Variants in PRRC2C observed in about 807,000 individuals in gnomAD.
The protein encoded by PRRC2C is proline rich coiled-coil 2C, also known as protein PRRC2C.
A neutral mutation model predicts 317.2 loss-of-function variants in PRRC2C; 72 were observed. The observed-to-expected ratio is 0.23, with a 90% CI of 0.19 to 0.28. PRRC2C has a LOEUF of 0.28. Among genes scored for constraint, PRRC2C ranks in the 10% least tolerant of loss-of-function variants. The pLI is 1.00. For synonymous variants in PRRC2C, 1,296 were observed against 1,205.9 expected (o/e 1.07, Z -1.55); for missense variants, 3,074 against 3,459.7 (o/e 0.89, Z 2.80).
chr1:171,548,328 T>C (rs997405466), intron 17 of PRRC2C, among the ~76,000 whole-genome samples: 38 of 152,318 alleles, frequency 2.5e-4, no homozygotes, highest in African/African-American at 9.1e-4. Flanking sequence ...AGTATGTTAA[T>C]GCTAAGTTTT....
chr1:171,519,907 T>G (rs957162040), intron 6 of PRRC2C, among the ~76,000 whole-genome samples: 2 of 152,220 alleles, frequency 1.3e-5, no homozygotes, highest in African/African-American at 4.8e-5. Context: ...GCTGCCAAAG[T>G]GAGCATATAC....
Position 171,513,058 on chromosome 1 carries a change from C to T in PRRC2C, c.176C>T (p.Pro59Leu). ...GGTATTTCACGGCGTATGCCTCCAC[C>T]TGCTAACCTCCCAAGTCTTAAAGCA... ...KVGISRRMPPPANLPSLKAEN... is the reference protein window; with the variant it reads ...KVGISRRMPPLANLPSLKAEN... Residue 59 changes from proline (P) to leucine (L), a missense_variant, in exon 3 of 35, where the codon CCT (proline) becomes CTT (leucine). This residue lies in a region of PRRC2C where 71 missense variants were observed against 118.9 expected (regional missense o/e 0.60). Coordinates refer to ENST00000647382, the MANE Select transcript of PRRC2C (RefSeq NM_001387844.1). The T allele has an allele frequency of 6.2e-7, 1 of 1,613,820 alleles. No homozygotes were observed. Among genetic ancestry groups the T allele is most frequent in the Non-Finnish European group, 8.5e-7 (1 of 1,179,796 alleles).
intron 13 of PRRC2C, 143 bp downstream of exon 13, chr1:171,535,740 C>T (rs368147379): frequency 1.9e-5 from 21 of 1,109,810 alleles, no homozygotes; most frequent in African/African-American, 1.7e-4. Context: ...TAAAAGTTAA[C>T]GTGGGTTTTA....
chr1:171,517,871 A>G, intron 6 of PRRC2C, 57 bp downstream of exon 6: 3 of 1,477,084 alleles, frequency 2.0e-6, no homozygotes, highest in Non-Finnish European at 2.8e-6. Flanking sequence ...CTGGGGTCCA[A>G]GGAGCGAATT....
intron 30 of PRRC2C, among the ~76,000 whole-genome samples, chr1:171,585,308 G>A (rs1395799858): frequency 6.6e-6 from 1 of 152,200 alleles, no homozygotes; most frequent in African/African-American, 2.4e-5. Flanking sequence ...GTGGCAGACT[G>A]TGATCGAGCA....
rs957100465 is a variant in PRRC2C at position 171,504,581 on chromosome 1, T to C, written c.-57-7451T>C. 8.5e-5 allele frequency among the ~76,000 whole-genome samples: 13 copies of C among 152,354 alleles called. No individual in the cohort carries two copies. The South Asian group carries it at 1.0e-3, about 12-fold the overall frequency. ...GCATTTGTCAAAAATCAAATGCTTA[T>C]GTGTATTTATATTTCTAGACTCTAT... On this transcript the variant is annotated intron_variant, in intron 1 of 34. Transcript: ENST00000647382.
chr1:171,587,189 A>G lies in PRRC2C; in HGVS notation c.7936A>G (p.Thr2646Ala), dbSNP rs200779636. Residue 2646 changes from threonine (T) to alanine (A), a missense_variant, in exon 31 of 35, where the codon ACA becomes GCA. Thr to Ala is a moderately conservative substitution (Grantham distance 58, BLOSUM62 0). This residue lies in a region of PRRC2C where 490 missense variants were observed against 663.1 expected (regional missense o/e 0.74). Coordinates refer to ENST00000647382, the MANE Select transcript of PRRC2C (RefSeq NM_001387844.1). ...TTTCAGAGGATTAATTCCTGCTGGA[A>G]CACAGCATAGCATGATTGCAACCAC... ...QPFRGLIPAG[T>A]QHSMIATTGK... 2.4e-4 allele frequency: 379 copies of G among 1,607,662 alleles called. 1 individual carries two copies. Among genetic ancestry groups the G allele is most frequent in the South Asian group, 7.8e-5 (7 of 89,434 alleles).
In PRRC2C at chr1:171,579,747, C is replaced by G; in HGVS notation, c.7273-81C>G. 7 of 1,427,220 alleles carry G rather than the reference C, an allele frequency of 4.9e-6. 1 individual carries two copies. The highest frequency in any genetic ancestry group is 6.5e-6 in the Non-Finnish European group (7 of 1,075,146). 88.4% of individuals were successfully genotyped at this position (1,427,220 alleles called of 1,614,324 possible). On this transcript the variant is annotated intron_variant, in intron 27 of 34. Coordinates refer to ENST00000647382, the MANE Select transcript of PRRC2C (RefSeq NM_001387844.1). ...TATTAATTTTACTCTTTTCATGTCT[C>G]AAATTTTTATATTCCAGTGTTAATG...
chr1:171,539,840 T>C (rs1677633335), intron 15 of PRRC2C, 131 bp from the exon 16 acceptor site: 3 of 837,634 alleles, frequency 3.6e-6, no homozygotes, highest in Admixed American at 5.6e-5. Context: ...AAACTTTTTA[T>C]ATAGCGAGAG....
intron 10 of PRRC2C, among the ~76,000 whole-genome samples, chr1:171,526,541 T>C (rs1191489672): frequency 6.6e-6 from 1 of 152,188 alleles, no homozygotes; most frequent in Non-Finnish European, 1.5e-5. Context: ...TTTCCCCATG[T>C]TGGCCAGGCT....
At chr1:171,485,980 A>G (rs1463923361) in intron 1 of PRRC2C, among the ~76,000 whole-genome samples, 1 of 151,920 alleles carries the variant, frequency 6.6e-6, no homozygotes, top group Non-Finnish European at 1.5e-5. Context: ...TGTGGTCTGC[A>G]GCGGGAGTTC....
rs1271666199 is a variant in PRRC2C, at chr1:171,571,546, A to G, written c.6753+125A>G. 8.6e-6 allele frequency: 6 copies of G among 696,062 alleles called. No individual in the cohort carries two copies. The East Asian group carries it at 1.7e-4, about 19-fold the overall frequency. 43.1% of individuals were successfully genotyped at this position (696,062 alleles called of 1,614,324 possible). A position where few individuals can be genotyped will look rare whatever the true frequency, so the allele number is the denominator to read the frequency against. The stretch of plus-strand genomic sequence containing the variant: ...AGCAACAATACTAAGCTGAGGAAAT[A>G]GAGTGCTGTCAAATTATACCTTACA... On this transcript the variant is annotated intron_variant, in intron 24 of 34. Coordinates refer to ENST00000647382, the MANE Select transcript of PRRC2C (RefSeq NM_001387844.1).
chr1:171,512,331 A>G, intron 2 of PRRC2C, 131 bp downstream of exon 2: 1 of 667,314 alleles, frequency 1.5e-6, no homozygotes, highest in Non-Finnish European at 2.8e-6. Context: ...GTTTTTATGC[A>G]TGCACACATT....
chr1:171,506,160 G>C (rs1291286946), intron 1 of PRRC2C, among the ~76,000 whole-genome samples: 2 of 152,164 alleles, frequency 1.3e-5, no homozygotes, highest in African/African-American at 2.4e-5. Flanking sequence ...GCCTCCCAAA[G>C]TGCTGGGAAT....
intron 10 of PRRC2C, among the ~76,000 whole-genome samples, chr1:171,526,764 A>G (rs1674639293): frequency 6.7e-6 from 1 of 150,150 alleles, no homozygotes; most frequent in African/African-American, 2.4e-5. Flanking sequence ...ATGTTTAGCA[A>G]TCTTATGGTA....
At chr1:171,507,545 A>G (rs75096655) in intron 1 of PRRC2C, among the ~76,000 whole-genome samples, 24,334 of 152,102 alleles carry the variant, frequency 0.16, 2,001 homozygotes, top group Middle Eastern at 0.29. Context: ...CAAGAGGCAG[A>G]GGTTTCAGTG....
Position 171,587,021 on chromosome 1 carries a change from G to A in PRRC2C, c.7768G>A (p.Ala2590Thr). ...ALQQVTVPLP[A>T]SQLSLPNFGS... ...TTTCTAGGTTACAGTACCTTTACCA[G>A]CATCGCAGCTTTCCTTGCCTAATTT... Residue 2590 changes from alanine to threonine, a missense_variant, in exon 31 of 35, where the codon GCA becomes ACA. Coordinates refer to ENST00000647382, the MANE Select transcript of PRRC2C (RefSeq NM_001387844.1). 6.2e-7 allele frequency: 1 copy of A among 1,606,564 alleles called. No homozygotes were observed. The highest frequency in any genetic ancestry group is 8.5e-7 in the Non-Finnish European group (1 of 1,175,780).
chr1:171,496,025 A>G (rs986387648), intron 1 of PRRC2C, among the ~76,000 whole-genome samples: 6 of 151,410 alleles, frequency 4.0e-5, no homozygotes, highest in African/African-American at 1.5e-4. Context: ...TAAGGACACT[A>G]ATCCCCTCAT....
At chr1:171,493,261 A>G (rs1009357590) in intron 1 of PRRC2C, among the ~76,000 whole-genome samples, 3 of 152,226 alleles carry the variant, frequency 2.0e-5, no homozygotes, top group Admixed American at 2.0e-4. Flanking sequence ...ACCATAATTC[A>G]TAATGCTAGA....
Sources: allele counts gnomAD v4.1 joint callset (sites outside exome capture counted in the v4.1 genomes callset), GRCh38; gene constraint gnomAD v4.1.1; regional missense constraint gnomAD v4.1.1; transcripts MANE v1.5; gene names NCBI Gene and HGNC (gene_info 2026-07-23, HGNC 2026-07-21).